ADD1: variants seen among roughly 807,000 people sequenced by gnomAD.
ADD1 encodes the protein adducin 1.
Under a neutral mutation model 80.5 loss-of-function variants are expected in ADD1, and 24 were observed. The observed-to-expected ratio is 0.30, with a 90% CI of 0.22 to 0.42. The LOEUF is 0.42. Ranked by LOEUF, ADD1 falls within the 10% of genes least tolerant of loss-of-function variation. ADD1 has a pLI of 1.00. For synonymous variants in ADD1, 373 were observed against 393.8 expected (o/e 0.95, Z 0.63); for missense variants, 948 against 1,019.0 (o/e 0.93, Z 0.95).
At chr4:2,858,192 A>G (rs956984208) in intron 1 of ADD1, among the ~76,000 whole-genome samples, 8 of 152,230 alleles carry the variant, frequency 5.3e-5, no homozygotes, top group Non-Finnish European at 1.0e-4. Context: ...TGTCCATTAC[A>G]GAATGTTCTT....
intron 5 of ADD1, 129 bp downstream of exon 5, chr4:2,894,222 GTT>G: frequency 1.3e-6 from 1 of 757,442 alleles, no homozygotes; most frequent in Non-Finnish European, 2.2e-6. Flanking sequence ...GGTGTGTTCA[GTT>G]AGAGAAAAAC....
At chr4:2,854,611 A>G (rs2108800982) in intron 1 of ADD1, among the ~76,000 whole-genome samples, 1 of 152,246 alleles carries the variant, frequency 6.6e-6, no homozygotes, top group Non-Finnish European at 1.5e-5. Flanking sequence ...GTTGAGCTGT[A>G]CTTAGGTTTA....
Position 2,926,227 on chromosome 4 carries a change from A to G in ADD1, c.2047+115A>G. ...CAACACGGAAGTGTGTGCTTGCATC[A>G]GCGCCAGGACGTGACACCTTTCTCC... is the stretch of plus-strand genomic sequence containing the variant. On this transcript the variant is annotated intron_variant, in intron 15 of 15. Transcript: ENST00000683351. This position sits in a 1 kb window ranked among gnomAD's most constrained non-coding sequence, Gnocchi z 5.0. 1.1e-6 allele frequency: 1 copy of G among 939,054 alleles called. No homozygotes were observed. Among genetic ancestry groups the G allele is most frequent in the Non-Finnish European group, 1.7e-6 (1 of 583,096 alleles). 58.2% of individuals were successfully genotyped at this position (939,054 alleles called of 1,614,324 possible).
rs147085292 is a variant in ADD1, at chr4:2,882,683, C to G, written c.358+623C>G. On this transcript the variant is annotated intron_variant, in intron 3 of 15. Coordinates refer to ENST00000683351, the MANE Select transcript of ADD1 (RefSeq NM_001354761.2). ...TTTCTGTTAGATCTGCTGACATTTG[C>G]TATTTACCTGTCTGCTCTGTGGTAT... 9.5e-4 allele frequency among the ~76,000 whole-genome samples: 145 copies of G among 152,310 alleles called. 1 individual carries two copies. In the Middle Eastern group the frequency reaches 0.01, roughly 11 times the overall value.
At position 2,917,704 on chromosome 4, in the gene ADD1, G is replaced by T. The variant is rs772146197; in HGVS notation, c.1948+2664G>T. On this transcript the variant is annotated intron_variant, in intron 14 of 15. Coordinates refer to ENST00000683351, the MANE Select transcript of ADD1 (RefSeq NM_001354761.2). Reference sequence around the variant, plus strand: ...CCTCTTGAGTTAATTTTTGTATGAGGTGTAAGGAAGGGGTCCAGTTTCAGT... The same window carrying T: ...CCTCTTGAGTTAATTTTTGTATGAGTTGTAAGGAAGGGGTCCAGTTTCAGT... Among the ~76,000 whole-genome samples the T allele has an allele frequency of 9.5e-4, 145 of 152,162 alleles. 2 individuals are homozygous for T. Among genetic ancestry groups the T allele is most frequent in the Admixed American group, 2.0e-4 (3 of 15,286 alleles).
intron 1 of ADD1, chr4:2,844,815 G>A (rs1403256175): frequency 6.6e-6 from 1 of 152,238 alleles, no homozygotes; most frequent in East Asian, 1.9e-4. Context: ...AGACATAGCT[G>A]ATAGCTGTAT....
chr4:2,914,839 C>T (rs1577701901), intron 13 of ADD1, 45 bp from the exon 14 acceptor site: 1 of 1,544,450 alleles, frequency 6.5e-7, no homozygotes, highest in African/African-American at 1.4e-5. Flanking sequence ...GGAGAGTCCC[C>T]ATCGGGCCGG....
Position 2,893,947 on chromosome 4 carries a change from T to C in ADD1, c.511-66T>C, listed in dbSNP as rs992668222. The C allele has an allele frequency of 1.3e-5, 19 of 1,441,024 alleles. No individual in the cohort carries two copies. In the Admixed American group the frequency reaches 2.5e-4, roughly 19 times the overall value. The allele number at this position is 1,441,024 out of a possible 1,614,324, so 89.3% of individuals were successfully genotyped here. A position where few individuals can be genotyped will look rare whatever the true frequency, so the allele number is the denominator to read the frequency against. On this transcript the variant is annotated intron_variant, in intron 4 of 15. Coordinates refer to ENST00000683351, the MANE Select transcript of ADD1 (RefSeq NM_001354761.2). ...TGTTCTGAACAAACCCGTGAATTTG[T>C]AGCCTGAAAGAGATGCAAATAATTT...
chr4:2,894,151 C>T (rs1577602350), intron 5 of ADD1, 58 bp downstream of exon 5: 1 of 1,351,962 alleles, frequency 7.4e-7, no homozygotes, highest in Admixed American at 1.7e-5. Context: ...GGTCATTCAA[C>T]ATCTTCAGAT....
chr4:2,881,733 A>G, intron 2 of ADD1, 165 bp from the exon 3 acceptor site: 2 of 464,418 alleles, frequency 4.3e-6, no homozygotes, highest in Middle Eastern at 5.4e-4. Flanking sequence ...CTTTCTAGAA[A>G]AGAATGTACC....
chr4:2,863,252 G>C (rs982798449), intron 1 of ADD1, among the ~76,000 whole-genome samples: 1 of 141,796 alleles, frequency 7.1e-6, no homozygotes, highest in Admixed American at 7.2e-5. Flanking sequence ...TAGAGCTAGG[G>C]TTCTGCCATA....
chr4:2,857,434 C>G (rs1728245969), intron 1 of ADD1, among the ~76,000 whole-genome samples: 1 of 151,960 alleles, frequency 6.6e-6, no homozygotes, highest in African/African-American at 2.4e-5. Context: ...AAATCGAAAC[C>G]CTGTCTCTAC....
At chr4:2,916,671 T>G (rs895177170) in intron 14 of ADD1, among the ~76,000 whole-genome samples, 1 of 152,224 alleles carries the variant, frequency 6.6e-6, no homozygotes, top group Non-Finnish European at 1.5e-5. Context: ...TTTCTCCTGA[T>G]GCTATCCTTC....
In ADD1 at chr4:2,914,508, A is replaced by G. The variant is rs560425261; in HGVS notation, c.1792-376A>G. On this transcript the variant is annotated intron_variant, in intron 13 of 15. Transcript: ENST00000683351. ...CCTCGTGACAGTTTCTGATGTCATG[A>G]GGAAAACTTACTGACTTTTAAACAG... 2.0e-5 allele frequency among the ~76,000 whole-genome samples: 3 copies of G among 152,366 alleles called. No individual in the cohort carries two copies. In the East Asian group the frequency reaches 5.8e-4, roughly 29 times the overall value.
chr4:2,887,203 T>C (rs1733522772), intron 4 of ADD1, among the ~76,000 whole-genome samples: 1 of 152,218 alleles, frequency 6.6e-6, no homozygotes. Flanking sequence ...AAGGTTTTGG[T>C]TTATTTTGTT....
At chr4:2,898,894 C>T (rs1322261398) in intron 8 of ADD1, 2 of 382,632 alleles carry the variant, frequency 5.2e-6, no homozygotes, top group East Asian at 5.7e-5. Context: ...AGTAGAGACT[C>T]AGAGACTTGC....
At chr4:2,915,124 G>A (rs1738775927) in intron 14 of ADD1, 84 bp downstream of exon 14, 1 of 1,437,518 alleles carries the variant, frequency 7.0e-7, no homozygotes, top group African/African-American at 1.4e-5. Flanking sequence ...TGCTGGCTGT[G>A]GGTGGTGATA....
chr4:2,924,604 A>G (rs867170969), intron 14 of ADD1, among the ~76,000 whole-genome samples: 36 of 152,260 alleles, frequency 2.4e-4, no homozygotes, highest in Middle Eastern at 6.8e-3. Context: ...ACTCCTCCTA[A>G]GAGGACCTCT....
intron 14 of ADD1, among the ~76,000 whole-genome samples, chr4:2,922,616 T>A (rs1322609421): frequency 6.6e-6 from 1 of 152,078 alleles, no homozygotes; most frequent in Non-Finnish European, 1.5e-5. Flanking sequence ...GGCACAGGGG[T>A]CAGGGACCCA....
Sources: allele counts gnomAD v4.1 joint callset (sites outside exome capture counted in the v4.1 genomes callset), GRCh38; gene constraint gnomAD v4.1.1; non-coding constraint Gnocchi (gnomAD v3.1); transcripts MANE v1.5; gene names NCBI Gene and HGNC (gene_info 2026-07-23, HGNC 2026-07-21).